Variants in CDH13 observed in about 807,000 individuals in gnomAD.
The protein encoded by CDH13 is cadherin 13.
CDH13 carries 24 observed loss-of-function variants against 63.8 expected under a neutral mutation model. That is an observed-to-expected ratio of 0.38 (90% CI 0.27 to 0.53). The LOEUF (loss-of-function observed/expected upper bound fraction) is 0.53, where lower values mean the gene tolerates loss of function less well. Ranked by LOEUF, CDH13 falls within the 20% of genes least tolerant of loss-of-function variation. The pLI, the probability that CDH13 is intolerant of heterozygous loss-of-function variation, is 0.85. For synonymous variants in CDH13, 503 were observed against 355.3 expected, an observed-to-expected ratio of 1.42 and a Z score of -4.67; for missense variants, 1,049 against 903.1, an observed-to-expected ratio of 1.16 and a Z score of -2.07.
chr16:83,140,236 G>C (rs2036471060), intron 4 of CDH13, among the ~76,000 whole-genome samples: 1 of 152,124 alleles, frequency 6.6e-6, no homozygotes, highest in South Asian at 2.1e-4. Flanking sequence ...ACTTTGAGGA[G>C]CTCCACTTCT....
At chr16:83,460,713 C>A (rs1239807902) in intron 6 of CDH13, among the ~76,000 whole-genome samples, 1 of 151,936 alleles carries the variant, frequency 6.6e-6, no homozygotes, top group Non-Finnish European at 1.5e-5. Flanking sequence ...TTGCAGATAG[C>A]CTGAGTGCAG....
intron 1 of CDH13, among the ~76,000 whole-genome samples, chr16:82,758,588 G>A (rs1382132224): frequency 6.6e-6 from 1 of 152,194 alleles, no homozygotes; most frequent in Non-Finnish European, 1.5e-5. Flanking sequence ...CATGTTCCCA[G>A]TGAGCCAATC....
intron 1 of CDH13, among the ~76,000 whole-genome samples, chr16:82,850,838 A>G (rs1374272227): frequency 1.3e-5 from 2 of 152,204 alleles, no homozygotes; most frequent in Non-Finnish European, 1.5e-5. Context: ...GATCATTAGC[A>G]TTTTTTAGTA....
intron 2 of CDH13, among the ~76,000 whole-genome samples, chr16:82,873,651 AC>A (rs574682520): frequency 2.2e-4 from 33 of 152,358 alleles, no homozygotes; most frequent in African/African-American, 6.7e-4. Flanking sequence ...GATAGCACAT[AC>A]AAAGGAGTGA....
intron 3 of CDH13, among the ~76,000 whole-genome samples, chr16:83,049,848 A>G (rs2030093482): frequency 6.6e-6 from 1 of 152,162 alleles, no homozygotes; most frequent in African/African-American, 2.4e-5. Context: ...TTATTTGTAA[A>G]TACAGTGACA....
chr16:82,665,302 G>A (rs540233476), intron 1 of CDH13, among the ~76,000 whole-genome samples: 3 of 152,158 alleles, frequency 2.0e-5, no homozygotes, highest in South Asian at 2.1e-4. Context: ...GAAAATGCAT[G>A]TGTTAGATAA....
At chr16:83,602,687 C>G in intron 8 of CDH13, 93 bp downstream of exon 8, 3 of 1,319,692 alleles carry the variant, frequency 2.3e-6, no homozygotes, top group Non-Finnish European at 3.3e-6. Context: ...CTGCTGGCCC[C>G]CCTTTCAAAA....
At chr16:82,995,122 T>G (rs772937477) in intron 2 of CDH13, among the ~76,000 whole-genome samples, 8 of 152,204 alleles carry the variant, frequency 5.3e-5, no homozygotes, top group Non-Finnish European at 1.2e-4. Flanking sequence ...CTATCAATTA[T>G]CATCACAACC....
intron 6 of CDH13, among the ~76,000 whole-genome samples, chr16:83,367,854 C>A (rs1188380767): frequency 2.0e-5 from 3 of 152,162 alleles, no homozygotes; most frequent in African/African-American, 7.2e-5. Flanking sequence ...TGTTTTGAAT[C>A]AATCTGTAGA....
At chr16:83,146,619 C>G (rs546682628) in intron 4 of CDH13, among the ~76,000 whole-genome samples, 35 of 152,322 alleles carry the variant, frequency 2.3e-4, no homozygotes, top group Non-Finnish European at 4.7e-4. Context: ...ATGTGTATGT[C>G]ACGTTAACCA....
chr16:82,967,785 A>C (rs1482904724), intron 2 of CDH13, among the ~76,000 whole-genome samples: 3 of 152,156 alleles, frequency 2.0e-5, no homozygotes, highest in Non-Finnish European at 2.9e-5. Flanking sequence ...TTGTGTCCTT[A>C]CTGGTGACAT....
chr16:83,691,860 G>T (rs567805508), intron 10 of CDH13, among the ~76,000 whole-genome samples: 1 of 152,100 alleles, frequency 6.6e-6, no homozygotes, highest in African/African-American at 2.4e-5. Flanking sequence ...TCAAGGTTAC[G>T]ATATAGTAGC....
intron 13 of CDH13, among the ~76,000 whole-genome samples, chr16:83,785,945 G>A (rs572480008): frequency 1.3e-5 from 2 of 152,268 alleles, no homozygotes; most frequent in African/African-American, 2.4e-5. Context: ...CCCTAAAGAC[G>A]TGCTGGTTCC....
intron 6 of CDH13, among the ~76,000 whole-genome samples, chr16:83,421,499 G>A (rs1355173030): frequency 2.0e-5 from 3 of 152,252 alleles, no homozygotes; most frequent in Admixed American, 6.5e-5. Flanking sequence ...GTTGCAAGAC[G>A]GCTGATGCAA....
intron 6 of CDH13, among the ~76,000 whole-genome samples, chr16:83,469,123 G>T (rs1156882466): frequency 6.6e-6 from 1 of 152,192 alleles, no homozygotes; most frequent in Non-Finnish European, 1.5e-5. Context: ...GTGGAATTCA[G>T]CAGAAGCAGA....
chr16:83,439,679 C>A lies in CDH13; in HGVS notation c.782-46798C>A, dbSNP rs143779111. Among the ~76,000 whole-genome samples, 329 of 152,236 alleles carry A rather than the reference C, an allele frequency of 2.2e-3. 3 individuals carry two copies. Among genetic ancestry groups the A allele is most frequent in the African/African-American group, 7.1e-3 (297 of 41,554 alleles). ...GTGTTCATGCATAATTACGGAATGG[C>A]CTTCTTTATGGTCTGATTGACTGTG... On this transcript the variant is annotated intron_variant, in intron 6 of 13. Transcript: ENST00000567109.
At chr16:83,098,216 G>C (rs1712040105) in intron 3 of CDH13, among the ~76,000 whole-genome samples, 1 of 152,166 alleles carries the variant, frequency 6.6e-6, no homozygotes, top group Non-Finnish European at 1.5e-5. Flanking sequence ...ACTTATCACA[G>C]TTCGTGTTAA....
chr16:83,489,170 T>G (rs760678186), intron 7 of CDH13, among the ~76,000 whole-genome samples: 8 of 152,248 alleles, frequency 5.3e-5, no homozygotes, highest in Non-Finnish European at 1.0e-4. Flanking sequence ...AGTCTCTATT[T>G]ATAAATCAAA....
intron 3 of CDH13, among the ~76,000 whole-genome samples, chr16:83,124,885 A>G (rs2035742272): frequency 6.6e-6 from 1 of 152,166 alleles, no homozygotes; most frequent in African/African-American, 2.4e-5. Flanking sequence ...ATTAATCTAG[A>G]TTTATACCAG....
Sources: gnomAD v4.1 joint callset for allele counts (sites outside exome capture counted in the v4.1 genomes callset) on GRCh38, gnomAD v4.1.1 for gene constraint, MANE v1.5 for transcripts, NCBI Gene and HGNC (gene_info 2026-07-23, HGNC 2026-07-21) for gene names.